ANK3: variants seen among roughly 807,000 people sequenced by gnomAD.
The protein encoded by ANK3 is ankyrin-3.
Under a neutral mutation model 370.9 loss-of-function variants are expected in ANK3, and 57 were observed. The observed-to-expected ratio is 0.15, with a 90% confidence interval of 0.12 to 0.19. ANK3 has a LOEUF of 0.19. Ranked by LOEUF, ANK3 falls within the 10% of genes least tolerant of loss-of-function variation. The pLI, the probability that ANK3 is intolerant of heterozygous loss-of-function variation, is 1.00. For synonymous variants in ANK3, 1,929 were observed against 1,946.3 expected (o/e 0.99, Z 0.23); for missense variants, 4,439 against 5,302.1 (o/e 0.84, Z 5.06).
chr10:60,310,842 C>T (rs1030577300), intron 1 of ANK3, among the ~76,000 whole-genome samples: 7 of 152,280 alleles, frequency 4.6e-5, no homozygotes, highest in African/African-American at 1.4e-4. Flanking sequence ...CTGCAATGTC[C>T]TTTTCTTCAA....
intron 42 of ANK3, among the ~76,000 whole-genome samples, chr10:60,048,621 A>G (rs1012782960): frequency 2.6e-5 from 4 of 152,204 alleles, no homozygotes; most frequent in Non-Finnish European, 4.4e-5. Context: ...AATACCTAAT[A>G]TAATGTAAAT....
chr10:60,208,313 CAG>C lies in ANK3; in HGVS notation c.997-82_997-81del, dbSNP rs530196146. On this transcript the variant is annotated intron_variant, in intron 9 of 43. Coordinates refer to ENST00000280772, the MANE Select transcript of ANK3 (RefSeq NM_020987.5). ...GCAGAACACAAAGTGCAAATATAAA[CAG>C]ATAAAAACTCCAGTTCTTCACATGA... The C allele has an allele frequency of 2.6e-5, 32 of 1,243,370 alleles. No individual in the cohort carries two copies. In the South Asian group the frequency reaches 3.2e-4, roughly 12 times the overall value. 77.0% of individuals were successfully genotyped at this position (1,243,370 alleles called of 1,614,324 possible). A position where few individuals can be genotyped will look rare whatever the true frequency, so the allele number is the denominator to read the frequency against.
intron 1 of ANK3, among the ~76,000 whole-genome samples, chr10:60,677,186 T>G (rs2133386956): frequency 6.6e-6 from 1 of 152,256 alleles, no homozygotes; most frequent in South Asian, 2.1e-4. Flanking sequence ...ACAGCAATGT[T>G]CCTAAATAAC....
chr10:60,161,819 C>T (rs2095508343), intron 23 of ANK3, among the ~76,000 whole-genome samples: 2 of 151,894 alleles, frequency 1.3e-5, no homozygotes. Flanking sequence ...TATCTGGTAG[C>T]ACAATAGGGC....
chr10:60,451,855 G>C (rs567867684), intron 2 of ANK3, among the ~76,000 whole-genome samples: 1 of 152,232 alleles, frequency 6.6e-6, no homozygotes, highest in Non-Finnish European at 1.5e-5. Flanking sequence ...AGTGATTTTT[G>C]CCACCACTGA....
intron 1 of ANK3, among the ~76,000 whole-genome samples, chr10:60,630,116 T>C (rs1452540724): frequency 6.6e-6 from 1 of 152,176 alleles, no homozygotes; most frequent in African/African-American, 2.4e-5. Context: ...TACCAGCATA[T>C]GAATTTGCAT....
Position 60,365,626 on chromosome 10 carries a change from G to A in ANK3, c.114+23799C>T, listed in dbSNP as rs138003286. Reference sequence around the variant, plus strand: ...CAGAAGTATACTCTTTAAATGGAACGAGAGAAAAACATCAGGGACTTATTT... The same window carrying A: ...CAGAAGTATACTCTTTAAATGGAACAAGAGAAAAACATCAGGGACTTATTT... On this transcript the variant is annotated intron_variant, in intron 1 of 43. Transcript: ENST00000280772. Among the ~76,000 whole-genome samples, 366 of 152,296 alleles carry A rather than the reference G, an allele frequency of 2.4e-3. 3 individuals are homozygous for A. The highest frequency in any genetic ancestry group is 0.02 in the Middle Eastern group (6 of 294).
intron 23 of ANK3, among the ~76,000 whole-genome samples, chr10:60,162,067 A>G (rs552286696): frequency 6.6e-6 from 1 of 152,280 alleles, no homozygotes; most frequent in East Asian, 1.9e-4. Flanking sequence ...AAATTAAAAT[A>G]TTCTTATTAC....
At chr10:60,481,525 C>T (rs1419366031) in intron 2 of ANK3, among the ~76,000 whole-genome samples, 2 of 152,106 alleles carry the variant, frequency 1.3e-5, no homozygotes, top group African/African-American at 4.8e-5. Flanking sequence ...TGCAGTGATG[C>T]AATCTCGGCT....
intron 8 of ANK3, among the ~76,000 whole-genome samples, chr10:60,220,086 A>G (rs74156437): frequency 4.2e-4 from 64 of 152,334 alleles, no homozygotes; most frequent in African/African-American, 1.5e-3. Context: ...CCAAATGTCT[A>G]CTTCATAATG....
At chr10:60,444,657 G>A (rs917919242) in intron 2 of ANK3, among the ~76,000 whole-genome samples, 6 of 151,994 alleles carry the variant, frequency 3.9e-5, no homozygotes, top group Admixed American at 2.0e-4. Flanking sequence ...TTCATCTTGT[G>A]GCTAATTTTT....
chr10:60,463,716 AT>A (rs113653310), intron 2 of ANK3, among the ~76,000 whole-genome samples: 14 of 148,974 alleles, frequency 9.4e-5, no homozygotes, highest in African/African-American at 2.9e-4. Flanking sequence ...TTTCCAGGAG[AT>A]TTTTTTTTGA....
At chr10:60,691,774 A>T (rs760518538) in intron 1 of ANK3, among the ~76,000 whole-genome samples, 5 of 152,118 alleles carry the variant, frequency 3.3e-5, no homozygotes, top group Non-Finnish European at 7.4e-5. Context: ...CTGGGCTTTC[A>T]CCTGCTCTCC....
chr10:60,273,990 A>C (rs1399596778), intron 4 of ANK3, among the ~76,000 whole-genome samples: 1 of 152,168 alleles, frequency 6.6e-6, no homozygotes, highest in East Asian at 1.9e-4. Flanking sequence ...GAACAAGCTA[A>C]TACAGATAGG....
chr10:60,656,321 C>T (rs978509012), intron 1 of ANK3, among the ~76,000 whole-genome samples: 6 of 151,892 alleles, frequency 4.0e-5, no homozygotes, highest in Non-Finnish European at 7.4e-5. Context: ...CCAGTATTTT[C>T]CTTCTAATGT....
chr10:60,513,194 T>A (rs1378176441), intron 2 of ANK3, among the ~76,000 whole-genome samples: 1 of 152,134 alleles, frequency 6.6e-6, no homozygotes, highest in Non-Finnish European at 1.5e-5. Flanking sequence ...AAAATAGTGA[T>A]TGATCCATAG....
chr10:60,594,276 T>C (rs1414261101), intron 2 of ANK3, among the ~76,000 whole-genome samples: 1 of 152,188 alleles, frequency 6.6e-6, no homozygotes, highest in Admixed American at 6.6e-5. Context: ...GCAGGGACTA[T>C]AGCCACAAAA....
chr10:60,231,353 G>A (rs2097241044), intron 8 of ANK3, among the ~76,000 whole-genome samples: 1 of 152,108 alleles, frequency 6.6e-6, no homozygotes, highest in Admixed American at 6.6e-5. Context: ...TAGGAACAAG[G>A]TCCCTTACAG....
intron 1 of ANK3, among the ~76,000 whole-genome samples, chr10:60,683,349 A>G (rs767794139): frequency 7.9e-5 from 12 of 152,234 alleles, no homozygotes; most frequent in Non-Finnish European, 1.6e-4. Context: ...ATCAACTTTG[A>G]GCAAGCATGA....
Sources: allele counts gnomAD v4.1 joint callset (sites outside exome capture counted in the v4.1 genomes callset), GRCh38; gene constraint gnomAD v4.1.1; transcripts MANE v1.5; gene names NCBI Gene and HGNC (gene_info 2026-07-23, HGNC 2026-07-21).